ZFYVE26: variants seen among roughly 807,000 people sequenced by gnomAD.
The protein encoded by ZFYVE26 is zinc finger FYVE-type containing 26, also known as zinc finger FYVE domain-containing protein 26.
In ZFYVE26, 181 loss-of-function variants were observed where a neutral mutation model predicts 276.5. That is an observed-to-expected ratio of 0.65 (90% CI 0.58 to 0.74). The LOEUF (loss-of-function observed/expected upper bound fraction) is 0.74, where lower values mean the gene tolerates loss of function less well. Among genes scored for constraint, ZFYVE26 ranks in the 30% least tolerant of loss-of-function variants. The pLI is 0.00. For missense variants in ZFYVE26, 2,821 were observed against 3,097.9 expected (o/e 0.91, Z 2.12); for synonymous variants, 1,129 against 1,203.1 (o/e 0.94, Z 1.27).
At chr14:67,766,514 C>A in intron 31 of ZFYVE26, 67 bp from the exon 32 acceptor site, 1 of 1,470,236 alleles carries the variant, frequency 6.8e-7, no homozygotes, top group Non-Finnish European at 9.5e-7. Flanking sequence ...CCAAAGGCAG[C>A]TGGGTGGCAG....
At chr14:67,759,539 G>A (rs936456895) in intron 35 of ZFYVE26, among the ~76,000 whole-genome samples, 1 of 145,584 alleles carries the variant, frequency 6.9e-6, no homozygotes, top group Non-Finnish European at 1.5e-5. Context: ...CAGGAGAATC[G>A]TTTGAACCTG....
At chr14:67,762,598 C>T in intron 33 of ZFYVE26, 74 bp downstream of exon 33, 1 of 1,604,644 alleles carries the variant, frequency 6.2e-7, no homozygotes, top group Non-Finnish European at 8.5e-7. Flanking sequence ...ACGGCAACAC[C>T]TGTTTGCAAG....
intron 14 of ZFYVE26, among the ~76,000 whole-genome samples, chr14:67,791,656 G>GAA (rs778915327): frequency 1.5e-5 from 2 of 131,512 alleles, no homozygotes; most frequent in Admixed American, 7.7e-5. Flanking sequence ...AGTTTTTATT[G>GAA]AAAAAAAAAA....
Position 67,747,537 on chromosome 14 carries a change from AC to A in ZFYVE26, c.*898del, listed in dbSNP as rs1165580709. ...GTCATTCAGTCCTAGGATCCTGGCC[AC>A]CTTTTCTCTCCCCAGACTCTCAAAG... On this transcript the variant is annotated 3_prime_UTR_variant, in exon 42 of 42. Transcript: ENST00000347230. The A allele has an allele frequency of 6.6e-6, 1 of 152,228 alleles. No individual in the cohort carries two copies. The highest frequency in any genetic ancestry group is 1.5e-5 in the Non-Finnish European group (1 of 68,118). The allele number at this position is 152,228 out of a possible 1,614,324, so 9.4% of individuals were successfully genotyped here.
chr14:67,761,461 A>G lies in ZFYVE26; in HGVS notation c.6493T>C (p.Phe2165Leu). The change falls in exon 35 of 42, where the codon TTC (phenylalanine) becomes CTC (leucine). Residue 2165 changes from phenylalanine (F) to leucine (L), a missense_variant. Physicochemically the swap from Phe to Leu is conservative, Grantham distance 22. Coordinates refer to ENST00000347230, the MANE Select transcript of ZFYVE26 (RefSeq NM_015346.4). ...TTGGTGCTATAGTTGTGCAGGTAGA[A>G]GAGGCATTCCTGGTAGTAGGTGTTG... The part of the protein sequence containing the change: ...MNNTYYQECL[F>L]YLHNYSTNLA... 6.2e-7 allele frequency: 1 copy of G among 1,614,230 alleles called. No individual in the cohort carries two copies. Among genetic ancestry groups the G allele is most frequent in the Non-Finnish European group, 8.5e-7 (1 of 1,180,038 alleles).
In ZFYVE26 at chr14:67,777,734, A is replaced by G; in HGVS notation, c.4799T>C (p.Leu1600Pro). 1 of 1,614,162 alleles carries G rather than the reference A, an allele frequency of 6.2e-7. No homozygotes were observed. The highest frequency in any genetic ancestry group is 8.5e-7 in the Non-Finnish European group (1 of 1,180,026). ...GGTGGGGTCAGGGATTCTTCGCAGG[A>G]GCTATTGTCAAAGGGTAGAGGAGGA... ...ERRDHDKALQ[L>P]LRRIPDPTMC... Residue 1600 changes from leucine to proline, a missense_variant and splice_region_variant, in exon 25 of 42, where the codon CTC (leucine) becomes CCC (proline). Coordinates refer to ENST00000347230, the MANE Select transcript of ZFYVE26 (RefSeq NM_015346.4).
intron 3 of ZFYVE26, among the ~76,000 whole-genome samples, chr14:67,812,347 A>C (rs540863466): frequency 6.6e-6 from 1 of 152,334 alleles, no homozygotes; most frequent in Admixed American, 6.5e-5. Context: ...CAAGATTAAA[A>C]GGCAGAAGGC....
Position 67,762,737 on chromosome 14 carries a change from G to T in ZFYVE26, c.6094C>A (p.Pro2032Thr), listed in dbSNP as rs913291204. ...TTCCTTAGCCTGGTTACTGCAGCTG[G>T]CTGCAAGATCTGATCCAAAGATGGC... Reference protein sequence around the residue: ...HVPSLDQILQPAAVTRLRNQL... With the variant: ...HVPSLDQILQTAAVTRLRNQL... The change falls in exon 33 of 42, where the codon CCA (proline) becomes ACA (threonine). Residue 2032 changes from proline to threonine, a missense_variant. Physicochemically the swap from Pro to Thr is conservative, Grantham distance 38. Coordinates refer to ENST00000347230, the MANE Select transcript of ZFYVE26 (RefSeq NM_015346.4). 1.2e-6 allele frequency: 2 copies of T among 1,614,182 alleles called. No homozygotes were observed. The highest frequency in any genetic ancestry group is 8.5e-7 in the Non-Finnish European group (1 of 1,180,052).
intron 39 of ZFYVE26, among the ~76,000 whole-genome samples, 176 bp downstream of exon 39, chr14:67,753,531 T>G (rs901338470): frequency 6.6e-6 from 1 of 152,240 alleles, no homozygotes; most frequent in Non-Finnish European, 1.5e-5. Flanking sequence ...TCTGGCAAAG[T>G]GGCCTAGAGT....
At chr14:67,745,410 T>C (rs534311131), downstream of ZFYVE26, among the ~76,000 whole-genome samples, 4 of 152,242 alleles carry the variant, frequency 2.6e-5, no homozygotes, top group African/African-American at 9.6e-5. Context: ...CAGTCCATAC[T>C]CTACACATTC....
chr14:67,803,649 A>G lies in ZFYVE26; in HGVS notation c.1435+452T>C, dbSNP rs190696791. ...TGAGACACTGCGCCCAGCCCAGGCA[A>G]GTCTTTCTTCTAAATCTCCTGATCT... On this transcript the variant is annotated intron_variant, in intron 9 of 41. Coordinates refer to ENST00000347230, the MANE Select transcript of ZFYVE26 (RefSeq NM_015346.4). 3.3e-5 allele frequency among the ~76,000 whole-genome samples: 5 copies of G among 152,318 alleles called. No homozygotes were observed. In the East Asian group the frequency reaches 9.6e-4, roughly 29 times the overall value.
In ZFYVE26 at chr14:67,733,782, A is replaced by G; in HGVS notation, n.2680-3963T>C. The G allele has an allele frequency of 6.2e-7, 1 of 1,613,508 alleles. No individual in the cohort carries two copies. The highest frequency in any genetic ancestry group is 8.5e-7 in the Non-Finnish European group (1 of 1,179,608). On this transcript the variant is annotated intron_variant and non_coding_transcript_variant, in intron 13 of 14. Transcript: ENST00000394455. Reference sequence around the variant, plus strand: ...GGACCTGGGTGTCTCCAAGGGCCCGAAATAACAAAACAGCTGAGCGCCTAT... The same window carrying G: ...GGACCTGGGTGTCTCCAAGGGCCCGGAATAACAAAACAGCTGAGCGCCTAT...
At position 67,752,402 on chromosome 14, in the gene ZFYVE26, C is replaced by T; in HGVS notation, c.7313G>A (p.Ser2438Asn). Reference protein sequence around the residue: ...CVSESGMAAKSDGDTILLNCL... With the variant: ...CVSESGMAAKNDGDTILLNCL... ...GTTGAGGAGGATGGTGTCCCCGTCA[C>T]TTTTGGCTGCCATGCCTGACTCACT... is the stretch of plus-strand genomic sequence containing the variant. Residue 2438 changes from serine to asparagine, a missense_variant, in exon 40 of 42, where the codon AGT becomes AAT. By Grantham distance (46) the Ser-to-Asn change is conservative (BLOSUM62 1). Coordinates refer to ENST00000347230, the MANE Select transcript of ZFYVE26 (RefSeq NM_015346.4). The T allele has an allele frequency of 6.2e-7, 1 of 1,613,228 alleles. No homozygotes were observed. The highest frequency in any genetic ancestry group is 8.5e-7 in the Non-Finnish European group (1 of 1,179,710).
At chr14:67,751,826 T>C (rs544825154) in intron 40 of ZFYVE26, among the ~76,000 whole-genome samples, 1 of 151,216 alleles carries the variant, frequency 6.6e-6, no homozygotes, top group Non-Finnish European at 1.5e-5. Context: ...TGAGCTGAGA[T>C]ACTCCAGCCT....
chr14:67,751,041 A>G lies in ZFYVE26; in HGVS notation c.7416+11T>C. The G allele has an allele frequency of 1.2e-6, 2 of 1,614,174 alleles. No homozygotes were observed. The highest frequency in any genetic ancestry group is 1.7e-6 in the Non-Finnish European group (2 of 1,180,018). ...TTGGCATCACCAGCGTTTGGAGACA[A>G]TTCCGCTCACCTTGTTGTCATCATT... On this transcript the variant is annotated intron_variant, in intron 41 of 41. Coordinates refer to ENST00000347230, the MANE Select transcript of ZFYVE26 (RefSeq NM_015346.4).
chr14:67,801,998 G>A (rs1222254243), intron 10 of ZFYVE26, 81 bp downstream of exon 10: 6 of 1,502,576 alleles, frequency 4.0e-6, no homozygotes, highest in Non-Finnish European at 5.5e-6. Flanking sequence ...CCCAATCTTG[G>A]TGGAAGAGGG....
intron 31 of ZFYVE26, among the ~76,000 whole-genome samples, chr14:67,766,722 C>T (rs2039069255): frequency 6.6e-6 from 1 of 152,138 alleles, no homozygotes; most frequent in South Asian, 2.1e-4. Flanking sequence ...TTTTTTGAAA[C>T]AGGGTCTCAC....
chr14:67,791,795 C>T (rs930177283), intron 14 of ZFYVE26, among the ~76,000 whole-genome samples: 6 of 148,154 alleles, frequency 4.0e-5, no homozygotes, highest in East Asian at 2.1e-4. Context: ...CGTGGTGGCT[C>T]GTGCCTGTAA....
rs770011030 is a variant in ZFYVE26, at chr14:67,783,275, T to C, written c.3877A>G (p.Arg1293Gly). ...TLERKPYSSP[R>G]DSSLPALTSS... is the part of the protein sequence containing the mutation. ...GTGAGGGCTGGGAGTGATGAGTCCC[T>C]TGGGGAGGAGTAGGGCTTTCTTTCC... The change falls in exon 21 of 42, where the codon AGG becomes GGG. Residue 1293 changes from arginine (R) to glycine (G), a missense_variant. Arg to Gly is a moderately radical substitution (Grantham distance 125, BLOSUM62 -2). Coordinates refer to ENST00000347230, the MANE Select transcript of ZFYVE26 (RefSeq NM_015346.4). The C allele has an allele frequency of 5.0e-6, 8 of 1,613,616 alleles. No individual in the cohort carries two copies. In the Admixed American group the frequency reaches 6.7e-5, roughly 13 times the overall value.
Sources: allele counts gnomAD v4.1 joint callset (sites outside exome capture counted in the v4.1 genomes callset), GRCh38; gene constraint gnomAD v4.1.1; transcripts MANE v1.5; gene names NCBI Gene and HGNC (gene_info 2026-07-23, HGNC 2026-07-21).